STXBP5L: variants seen among roughly 807,000 people sequenced by gnomAD.
The protein encoded by STXBP5L is syntaxin binding protein 5L.
STXBP5L carries 65 observed loss-of-function variants against 144.5 expected under a neutral mutation model. The observed-to-expected ratio is 0.45, with a 90% confidence interval of 0.37 to 0.55. The LOEUF is 0.55. STXBP5L is among the 20% of genes least tolerant of loss of function. The pLI is 0.00. For synonymous variants in STXBP5L, 505 were observed against 469.6 expected (o/e 1.08, Z -0.97); for missense variants, 1,298 against 1,405.5 (o/e 0.92, Z 1.22).
At chr3:121,007,377 A>T (rs1314059307) in intron 3 of STXBP5L, among the ~76,000 whole-genome samples, 1 of 151,990 alleles carries the variant, frequency 6.6e-6, no homozygotes, top group Non-Finnish European at 1.5e-5. Context: ...TGTAGTTATT[A>T]ATAAAATTCT....
At chr3:121,378,963 T>G (rs962685577) in intron 21 of STXBP5L, 77 bp downstream of exon 21, 3 of 1,417,462 alleles carry the variant, frequency 2.1e-6, no homozygotes, top group Non-Finnish European at 2.9e-6. Context: ...AGATATGGGA[T>G]GGAGATCACA....
chr3:121,253,559 T>A (rs1381995499), intron 15 of STXBP5L, among the ~76,000 whole-genome samples: 1 of 146,344 alleles, frequency 6.8e-6, no homozygotes, highest in Non-Finnish European at 1.5e-5. Context: ...ATCTCCGGAT[T>A]TTATTCAGCT....
At chr3:121,118,587 A>G (rs745915176) in intron 6 of STXBP5L, among the ~76,000 whole-genome samples, 1 of 151,648 alleles carries the variant, frequency 6.6e-6, no homozygotes, top group Non-Finnish European at 1.5e-5. Context: ...ATAGGGAGCT[A>G]GATTTTGACG....
At chr3:121,255,201 AT>A in intron 16 of STXBP5L, 89 bp downstream of exon 16, 1 of 993,308 alleles carries the variant, frequency 1.0e-6, no homozygotes, top group Non-Finnish European at 1.4e-6. Flanking sequence ...TATGGTTTCC[AT>A]GAAGTGTGCA....
At chr3:120,926,696 G>C (rs1489792968) in intron 2 of STXBP5L, among the ~76,000 whole-genome samples, 1 of 151,912 alleles carries the variant, frequency 6.6e-6, no homozygotes, top group Non-Finnish European at 1.5e-5. Context: ...GTCTTTTGAG[G>C]TAATTTTCTA....
intron 3 of STXBP5L, among the ~76,000 whole-genome samples, chr3:121,028,654 T>G (rs1946140280): frequency 6.6e-6 from 1 of 152,088 alleles, no homozygotes; most frequent in Admixed American, 6.6e-5. Context: ...AGATCTTGTA[T>G]AAGCCATTGG....
At chr3:121,191,095 A>G (rs916590759) in intron 9 of STXBP5L, among the ~76,000 whole-genome samples, 7 of 150,514 alleles carry the variant, frequency 4.7e-5, no homozygotes, top group African/African-American at 1.7e-4. Context: ...ATCCCAGACG[A>G]TGGGCGGCCA....
At chr3:121,346,221 C>A (rs939841366) in intron 20 of STXBP5L, among the ~76,000 whole-genome samples, 29 of 150,030 alleles carry the variant, frequency 1.9e-4, no homozygotes, top group Non-Finnish European at 4.0e-4. Context: ...TTTGTCCTTG[C>A]AATAGTTTGC....
intron 18 of STXBP5L, among the ~76,000 whole-genome samples, chr3:121,276,594 T>C (rs2050893242): frequency 6.6e-6 from 1 of 152,012 alleles, no homozygotes; most frequent in South Asian, 2.1e-4. Context: ...TTCCACTGCT[T>C]GAAAGATGTA....
At chr3:121,277,274 T>G (rs775267249) in intron 18 of STXBP5L, among the ~76,000 whole-genome samples, 3 of 151,994 alleles carry the variant, frequency 2.0e-5, no homozygotes, top group Non-Finnish European at 2.9e-5. Flanking sequence ...GGCTCTAATT[T>G]TATCCATGAG....
chr3:121,386,035 T>A (rs1451109115), intron 22 of STXBP5L, among the ~76,000 whole-genome samples: 2 of 152,158 alleles, frequency 1.3e-5, no homozygotes, highest in East Asian at 3.8e-4. Flanking sequence ...TCTTTTGATA[T>A]AAGATGGGTA....
chr3:121,383,340 T>C (rs2046360549), intron 22 of STXBP5L, among the ~76,000 whole-genome samples: 1 of 151,820 alleles, frequency 6.6e-6, no homozygotes, highest in Non-Finnish European at 1.5e-5. Context: ...GAGCATGCAG[T>C]AAGCCATAAT....
intron 21 of STXBP5L, 78 bp downstream of exon 21, chr3:121,378,964 G>A (rs1019704706): frequency 6.5e-6 from 9 of 1,381,014 alleles, no homozygotes; most frequent in Non-Finnish European, 7.9e-6. Context: ...GATATGGGAT[G>A]GAGATCACAT....
intron 14 of STXBP5L, among the ~76,000 whole-genome samples, chr3:121,243,808 A>G (rs1157694110): frequency 6.6e-6 from 1 of 152,214 alleles, no homozygotes; most frequent in Admixed American, 6.5e-5. Context: ...GTCTTATCCT[A>G]GGAAACATAG....
intron 9 of STXBP5L, among the ~76,000 whole-genome samples, chr3:121,188,959 G>T (rs553648803): frequency 1.3e-5 from 2 of 152,134 alleles, no homozygotes; most frequent in African/African-American, 4.8e-5. Context: ...TTCTGGCCAG[G>T]GCAATCAGGC....
At chr3:120,911,647 C>T (rs1256361774) in intron 2 of STXBP5L, among the ~76,000 whole-genome samples, 9 of 151,818 alleles carry the variant, frequency 5.9e-5, no homozygotes, top group Non-Finnish European at 1.0e-4. Flanking sequence ...CATAGTAGAG[C>T]GAATATAACT....
At chr3:121,351,095 A>C (rs200965313) in intron 20 of STXBP5L, among the ~76,000 whole-genome samples, 2 of 151,986 alleles carry the variant, frequency 1.3e-5, no homozygotes, top group African/African-American at 2.4e-5. Context: ...TGGTTTTATC[A>C]ACCTTTGGTC....
At chr3:120,984,783 T>C (rs1446522845) in intron 3 of STXBP5L, among the ~76,000 whole-genome samples, 1 of 152,010 alleles carries the variant, frequency 6.6e-6, no homozygotes, top group Non-Finnish European at 1.5e-5. Context: ...GTATGATGTA[T>C]GATGTATGCT....
At chr3:121,109,014 A>G (rs1420313471) in intron 5 of STXBP5L, among the ~76,000 whole-genome samples, 1 of 152,132 alleles carries the variant, frequency 6.6e-6, no homozygotes, top group East Asian at 1.9e-4. Context: ...ATGCAAATAA[A>G]TTAGTGCAAA....
Sources: gnomAD v4.1 joint callset for allele counts (sites outside exome capture counted in the v4.1 genomes callset) on GRCh38, gnomAD v4.1.1 for gene constraint, MANE v1.5 for transcripts, NCBI Gene and HGNC (gene_info 2026-07-23, HGNC 2026-07-21) for gene names.